Variants in PACRG observed in about 807,000 individuals in gnomAD.
PACRG encodes the protein parkin coregulated.
In PACRG, 29 loss-of-function variants were observed where a neutral mutation model predicts 29.7. The ratio of observed to expected loss-of-function variants is 0.98; its 90% confidence interval spans 0.73 to 1.33. The LOEUF is 1.33. Ranked by LOEUF, PACRG falls within the 40% of genes most tolerant of loss-of-function variation. The pLI is 0.00. For synonymous variants in PACRG, 116 were observed against 118.7 expected, an observed-to-expected ratio of 0.98 and a Z score of 0.15; for missense variants, 279 against 316.2, an observed-to-expected ratio of 0.88 and a Z score of 0.89.
At chr6:163,170,827 T>C (rs1208614559) in intron 4 of PACRG, 1 of 152,272 alleles carries the variant, frequency 6.6e-6, no homozygotes. Flanking sequence ...TAGACCTTTC[T>C]TTTTATTCCC....
Position 163,284,827 on chromosome 6 carries a change from A to G in PACRG, c.614-30000A>G, listed in dbSNP as rs73603712. ...TGTTGCCCCTGCTAAAGCTGTTGCC[A>G]TCTATCCCTTTGCACAAGAGAAATA... On this transcript the variant is annotated intron_variant, in intron 4 of 4. Coordinates refer to ENST00000366888, the MANE Select transcript of PACRG (RefSeq NM_001080379.2). Among the ~76,000 whole-genome samples, 1,102 of 152,206 alleles carry G rather than the reference A, an allele frequency of 7.2e-3. 13 individuals carry two copies. The highest frequency in any genetic ancestry group is 0.026 in the African/African-American group (1,064 of 41,526).
chr6:163,095,541 G>A (rs539527909), intron 4 of PACRG: 2 of 697,808 alleles, frequency 2.9e-6, no homozygotes, highest in Non-Finnish European at 3.5e-6. Context: ...AAAGATCAAG[G>A]TGTGGACAGG....
chr6:163,262,062 G>A (rs75764576), intron 4 of PACRG, among the ~76,000 whole-genome samples: 4,926 of 152,232 alleles, frequency 0.032, 259 homozygotes, highest in African/African-American at 0.11. Context: ...CAAATATATA[G>A]AAATGTATTC....
chr6:163,237,507 A>G (rs1782297423), intron 4 of PACRG, among the ~76,000 whole-genome samples: 1 of 152,208 alleles, frequency 6.6e-6, no homozygotes, highest in Non-Finnish European at 1.5e-5. Context: ...CTTAAGGAAA[A>G]CAAAAATGCT....
intron 2 of PACRG, among the ~76,000 whole-genome samples, chr6:162,820,208 T>C (rs926804133): frequency 1.3e-5 from 2 of 152,236 alleles, no homozygotes; most frequent in Non-Finnish European, 2.9e-5. Flanking sequence ...AATCAGCCTT[T>C]ATAATTTCCA....
intron 2 of PACRG, among the ~76,000 whole-genome samples, chr6:162,863,570 T>A (rs1253870270): frequency 1.3e-5 from 2 of 152,228 alleles, no homozygotes; most frequent in African/African-American, 2.4e-5. Flanking sequence ...CACTGAGCAG[T>A]GGAGTAACCC....
chr6:162,772,445 G>C (rs1783296243), intron 1 of PACRG, among the ~76,000 whole-genome samples: 1 of 152,126 alleles, frequency 6.6e-6, no homozygotes, highest in Non-Finnish European at 1.5e-5. Context: ...AAAAATCCTT[G>C]CAAAGAGTAA....
At chr6:163,311,782 A>AG (rs1785426934) in intron 4 of PACRG, among the ~76,000 whole-genome samples, 1 of 151,568 alleles carries the variant, frequency 6.6e-6, no homozygotes, top group Non-Finnish European at 1.5e-5. Flanking sequence ...AAACAAAAAA[A>AG]GCTACATAGT....
chr6:162,970,975 G>A (rs1801483031), intron 2 of PACRG, among the ~76,000 whole-genome samples: 1 of 152,132 alleles, frequency 6.6e-6, no homozygotes. Flanking sequence ...TACTAAAAAC[G>A]AGATGTGGTC....
intron 4 of PACRG, chr6:163,095,338 C>T: frequency 3.0e-6 from 3 of 985,362 alleles, no homozygotes; most frequent in East Asian, 1.1e-4. Context: ...CTGTAGACCT[C>T]CCTGGTTGCG....
intron 3 of PACRG, among the ~76,000 whole-genome samples, chr6:163,082,331 A>G (rs1813160486): frequency 6.6e-6 from 1 of 152,168 alleles, no homozygotes; most frequent in African/African-American, 2.4e-5. Context: ...ATTATTCTCT[A>G]ATTTTACCAA....
At chr6:163,212,364 G>C (rs568113372) in intron 4 of PACRG, among the ~76,000 whole-genome samples, 14 of 152,214 alleles carry the variant, frequency 9.2e-5, no homozygotes, top group South Asian at 2.1e-4. Context: ...TCTGGTACCT[G>C]GATTTTGGTT....
At chr6:163,169,326 G>A (rs1433329733) in intron 4 of PACRG, among the ~76,000 whole-genome samples, 1 of 152,204 alleles carries the variant, frequency 6.6e-6, no homozygotes, top group Non-Finnish European at 1.5e-5. Flanking sequence ...CCTCAGCCTG[G>A]AGAAAATGAG....
chr6:163,276,365 A>G (rs578124130), intron 4 of PACRG, among the ~76,000 whole-genome samples: 1 of 152,176 alleles, frequency 6.6e-6, no homozygotes, highest in African/African-American at 2.4e-5. Context: ...GAAACAGCAC[A>G]AGGTATATCC....
At chr6:163,014,424 A>G (rs1261490540) in intron 2 of PACRG, among the ~76,000 whole-genome samples, 2 of 152,066 alleles carry the variant, frequency 1.3e-5, no homozygotes, top group Non-Finnish European at 2.9e-5. Context: ...TCTTGGAAAA[A>G]TCTCCAAACT....
At chr6:163,294,443 T>C (rs12332984) in intron 4 of PACRG, among the ~76,000 whole-genome samples, 22,046 of 152,082 alleles carry the variant, frequency 0.14, 3,041 homozygotes, top group African/African-American at 0.36. Flanking sequence ...ACATTTAAAA[T>C]GTAGTCAATA....
intron 2 of PACRG, among the ~76,000 whole-genome samples, chr6:162,944,963 G>C (rs1384339366): frequency 1.3e-5 from 2 of 151,954 alleles, no homozygotes; most frequent in African/African-American, 4.8e-5. Context: ...AAGATATTTA[G>C]ACATACAGAT....
chr6:163,149,370 T>G (rs1585268127), intron 4 of PACRG, among the ~76,000 whole-genome samples: 1 of 152,128 alleles, frequency 6.6e-6, no homozygotes, highest in East Asian at 1.9e-4. Context: ...CTCGCTCAAG[T>G]CTCCACCCGG....
Position 163,166,372 on chromosome 6 carries a change from A to G in PACRG, c.613+76964A>G, listed in dbSNP as rs1403474234. The G allele has an allele frequency of 1.4e-5, 5 of 353,160 alleles. No individual in the cohort carries two copies. In the Admixed American group the frequency reaches 1.9e-4, roughly 13 times the overall value. 21.9% of individuals were successfully genotyped at this position (353,160 alleles called of 1,614,324 possible). On this transcript the variant is annotated intron_variant, in intron 4 of 4. Transcript: ENST00000366888. ...TATATTGATACCCCAAGAACTGCTT[A>G]CTGTGCCAAGTTATTAAGAATAAGT...
Sources: allele counts gnomAD v4.1 joint callset (sites outside exome capture counted in the v4.1 genomes callset), GRCh38; gene constraint gnomAD v4.1.1; transcripts MANE v1.5; gene names NCBI Gene and HGNC (gene_info 2026-07-23, HGNC 2026-07-21).